Variants in DNAH12 observed in about 807,000 individuals in gnomAD.
The protein encoded by DNAH12 is axonemal beta dynein heavy chain 12.
Under a neutral mutation model 371.5 loss-of-function variants are expected in DNAH12, and 285 were observed. That is an observed-to-expected ratio of 0.77 (90% CI 0.70 to 0.85). The LOEUF (loss-of-function observed/expected upper bound fraction) is 0.85, where lower values mean the gene tolerates loss of function less well. Ranked by LOEUF, DNAH12 falls within the 40% of genes least tolerant of loss-of-function variation. DNAH12 has a pLI of 0.00. For synonymous variants in DNAH12, 1,200 were observed against 1,213.0 expected (o/e 0.99, Z 0.22); for missense variants, 3,611 against 3,689.4 (o/e 0.98, Z 0.55).
intron 55 of DNAH12, among the ~76,000 whole-genome samples, chr3:57,371,940 G>GAAAAAAAAAAAAAA (rs2063180760): frequency 9.2e-5 from 1 of 10,836 alleles, no homozygotes. Context: ...TCTAAACTCA[G>GAAAAAAAAAAAAAA]CAAAAAAAAA....
At chr3:57,486,410 AT>A (rs887817684) in intron 12 of DNAH12, among the ~76,000 whole-genome samples, 4 of 151,458 alleles carry the variant, frequency 2.6e-5, no homozygotes, top group Non-Finnish European at 4.4e-5. Context: ...TCTCTATTAA[AT>A]TTTTTTTAAT....
chr3:57,483,115 A>AG (rs1491185786), intron 13 of DNAH12, among the ~76,000 whole-genome samples: 1 of 146,476 alleles, frequency 6.8e-6, no homozygotes, highest in Non-Finnish European at 1.5e-5. Flanking sequence ...AAAAAAAAAA[A>AG]GAAATTCCAA....
chr3:57,371,025 T>A (rs2063158874), intron 55 of DNAH12, among the ~76,000 whole-genome samples: 1 of 152,118 alleles, frequency 6.6e-6, no homozygotes, highest in Non-Finnish European at 1.5e-5. Context: ...CCTGAAAATG[T>A]GAATGTGTAG....
chr3:57,429,708 C>G lies in DNAH12; in HGVS notation c.5047G>C (p.Asp1683His). ...GAACTTACGGATGCCTGGGAAAGGT[C>G]CATTGTTTCAAAGATGAGGCTCATT... Reference protein sequence around the residue: ...PQMSLIFETMDLSQASPATVS... With the variant: ...PQMSLIFETMHLSQASPATVS... Residue 1683 changes from aspartate (D) to histidine (H), a missense_variant, in exon 33 of 74, where the codon GAC (aspartate) becomes CAC (histidine). This residue lies in a region of DNAH12 where 2,266 missense variants were observed against 2,236.9 expected (regional missense o/e 1.01). Coordinates refer to ENST00000495027, the MANE Select transcript of DNAH12 (RefSeq NM_001366028.2). 1.3e-6 allele frequency: 2 copies of G among 1,536,622 alleles called. No homozygotes were observed. The highest frequency in any genetic ancestry group is 2.5e-5 in the East Asian group (1 of 39,794).
In DNAH12 at chr3:57,445,429, A is replaced by AAAAT. The variant is rs1190342808; in HGVS notation, c.4180-14_4180-11dup. ...CTGTTCTAAAAAGAACCTGAAGTAT[A>AAAAT]AAATAAATGAAATATATTACGTACA... On this transcript the variant is annotated splice_polypyrimidine_tract_variant and intron_variant, in intron 27 of 73. Transcript: ENST00000495027. The AAAAT allele has an allele frequency of 3.3e-6, 5 of 1,502,806 alleles. No homozygotes were observed. The highest frequency in any genetic ancestry group is 4.4e-6 in the Non-Finnish European group (5 of 1,127,220). 93.1% of individuals were successfully genotyped at this position (1,502,806 alleles called of 1,614,324 possible).
intron 29 of DNAH12, among the ~76,000 whole-genome samples, chr3:57,438,433 G>A (rs980932089): frequency 1.6e-4 from 25 of 152,250 alleles, no homozygotes; most frequent in African/African-American, 5.5e-4. Flanking sequence ...GTCCTAGCCA[G>A]AACAATCAGG....
At chr3:57,415,773 CTT>C (rs147657716) in intron 37 of DNAH12, among the ~76,000 whole-genome samples, 1,591 of 145,356 alleles carry the variant, frequency 0.011, 30 homozygotes, top group African/African-American at 0.038. Flanking sequence ...TATTTTGTGT[CTT>C]TTTATTTTTT....
At chr3:57,336,272 C>T (rs2062219576) in intron 60 of DNAH12, among the ~76,000 whole-genome samples, 1 of 151,896 alleles carries the variant, frequency 6.6e-6, no homozygotes, top group Non-Finnish European at 1.5e-5. Context: ...GCATCCATAA[C>T]CAGGAAAAAA....
At chr3:57,494,604 A>G (rs1051138805) in intron 11 of DNAH12, among the ~76,000 whole-genome samples, 4 of 152,112 alleles carry the variant, frequency 2.6e-5, no homozygotes, top group Non-Finnish European at 5.9e-5. Context: ...AAAACAAAAC[A>G]TTGTACTACA....
At chr3:57,389,071 C>A (rs1485618924) in intron 45 of DNAH12, among the ~76,000 whole-genome samples, 1 of 152,068 alleles carries the variant, frequency 6.6e-6, no homozygotes, top group Non-Finnish European at 1.5e-5. Context: ...AAATAAATTA[C>A]AACATTCTCT....
At chr3:57,519,394 C>CT (rs1476911851) in intron 4 of DNAH12, among the ~76,000 whole-genome samples, 1 of 152,082 alleles carries the variant, frequency 6.6e-6, no homozygotes, top group Non-Finnish European at 1.5e-5. Context: ...GAGTTCTCTC[C>CT]TTTTTTATAG....
intron 43 of DNAH12, among the ~76,000 whole-genome samples, chr3:57,397,462 T>A (rs909010653): frequency 2.0e-3 from 297 of 152,306 alleles, no homozygotes; most frequent in African/African-American, 6.8e-3. Flanking sequence ...GAGCCCAGAA[T>A]ACTGGCTTGT....
chr3:57,373,089 C>T (rs915575242), intron 55 of DNAH12, among the ~76,000 whole-genome samples: 10 of 152,106 alleles, frequency 6.6e-5, no homozygotes, highest in Admixed American at 3.3e-4. Flanking sequence ...GAAGCAAACA[C>T]GAGAGTCCTA....
At chr3:57,304,763 T>C (rs2061434063) in intron 69 of DNAH12, among the ~76,000 whole-genome samples, 1 of 151,870 alleles carries the variant, frequency 6.6e-6, no homozygotes, top group Non-Finnish European at 1.5e-5. Context: ...CGACCCCTTT[T>C]CTCCGTGTCT....
chr3:57,436,396 G>C (rs936945490), intron 30 of DNAH12, among the ~76,000 whole-genome samples: 1 of 152,048 alleles, frequency 6.6e-6, no homozygotes, highest in Non-Finnish European at 1.5e-5. Context: ...TCTAGAACTG[G>C]GGCCCTCACA....
At chr3:57,379,708 G>T (rs1215931941) in intron 51 of DNAH12, among the ~76,000 whole-genome samples, 2 of 151,748 alleles carry the variant, frequency 1.3e-5, no homozygotes, top group Non-Finnish European at 2.9e-5. Flanking sequence ...GGGCATAGTG[G>T]TGGGTGCCTG....
At chr3:57,474,095 C>T (rs2066449704) in intron 13 of DNAH12, among the ~76,000 whole-genome samples, 1 of 152,094 alleles carries the variant, frequency 6.6e-6, no homozygotes, top group Non-Finnish European at 1.5e-5. Context: ...CCATCCACTG[C>T]TATTCAACAT....
At position 57,413,792 on chromosome 3, in the gene DNAH12, G is replaced by T; in HGVS notation, c.5974C>A (p.Gln1992Lys). The change falls in exon 39 of 74, where the codon CAA becomes AAA. Residue 1992 changes from glutamine to lysine, a missense_variant. This residue lies in a region of DNAH12 where 2,266 missense variants were observed against 2,236.9 expected (regional missense o/e 1.01). Coordinates refer to ENST00000495027, the MANE Select transcript of DNAH12 (RefSeq NM_001366028.2). ...NMPALEKYGA[Q>K]PPIELLRQFF... ...TGTCGTAATAATTCAATAGGTGGTT[G>T]AGCTCCATACTTCTCCAATGCAGGC... The T allele has an allele frequency of 6.4e-7, 1 of 1,551,082 alleles. No homozygotes were observed. Among genetic ancestry groups the T allele is most frequent in the South Asian group, 1.2e-5 (1 of 83,952 alleles).
At chr3:57,402,431 T>C (rs1553679249) in intron 43 of DNAH12, 8 of 1,304,876 alleles carry the variant, frequency 6.1e-6, no homozygotes, top group Non-Finnish European at 8.1e-6. Context: ...AATAAAGCTC[T>C]AAAGAAACTA....
Sources: allele counts gnomAD v4.1 joint callset (sites outside exome capture counted in the v4.1 genomes callset), GRCh38; gene constraint gnomAD v4.1.1; regional missense constraint gnomAD v4.1.1; transcripts MANE v1.5; gene names NCBI Gene and HGNC (gene_info 2026-07-23, HGNC 2026-07-21).